Variants in NRXN1 observed in about 807,000 individuals in gnomAD.
The protein encoded by NRXN1 is neurexin 1.
In NRXN1, 39 loss-of-function variants were observed where a neutral mutation model predicts 150.9. The observed-to-expected ratio is 0.26, with a 90% CI of 0.20 to 0.34. The LOEUF (loss-of-function observed/expected upper bound fraction) is 0.34. Ranked by LOEUF, NRXN1 falls within the 10% of genes least tolerant of loss-of-function variation. NRXN1 has a pLI of 1.00. For missense variants in NRXN1, 1,815 were observed against 1,949.9 expected (o/e 0.93, Z 1.30); for synonymous variants, 924 against 757.0 (o/e 1.22, Z -3.62).
At chr2:50,067,460 C>T (rs1172775209) in intron 19 of NRXN1, among the ~76,000 whole-genome samples, 2 of 152,160 alleles carry the variant, frequency 1.3e-5, no homozygotes, top group African/African-American at 4.8e-5. Context: ...ATTTTCTTCC[C>T]TACACCTTTA....
intron 5 of NRXN1, among the ~76,000 whole-genome samples, chr2:50,712,295 C>T (rs776277682): frequency 1.3e-4 from 19 of 151,940 alleles, no homozygotes; most frequent in Non-Finnish European, 2.2e-4. Context: ...GCTGTATCTC[C>T]GTATATCAAA....
In NRXN1 at chr2:50,347,019, C is replaced by T; in HGVS notation, c.3365-110049G>A. 1 of 1,390,338 alleles carries T rather than the reference C, an allele frequency of 7.2e-7. No individual in the cohort carries two copies. Among genetic ancestry groups the T allele is most frequent in the East Asian group, 3.7e-5 (1 of 27,246 alleles). The allele number at this position is 1,390,338 out of a possible 1,614,324, so 86.1% of individuals were successfully genotyped here. On this transcript the variant is annotated intron_variant, in intron 17 of 22. Transcript: ENST00000401669. The surrounding 1 kb of genome is among the most constrained non-coding windows in gnomAD (Gnocchi z 4.9). ...TGGGGCGCGGGGAGAGGAGAGGGCG[C>T]AGGGGAGCGGGCGGCGCGGAGTGGG...
chr2:50,631,684 T>G (rs1056772730), intron 5 of NRXN1, among the ~76,000 whole-genome samples: 4 of 152,110 alleles, frequency 2.6e-5, no homozygotes, highest in African/African-American at 9.6e-5. Flanking sequence ...TGCAATTGAT[T>G]TGCATTTGTT....
At chr2:50,599,687 T>C (rs1351481005) in intron 8 of NRXN1, among the ~76,000 whole-genome samples, 1 of 152,166 alleles carries the variant, frequency 6.6e-6, no homozygotes, top group Non-Finnish European at 1.5e-5. Flanking sequence ...GAATAAGGAA[T>C]ACATGATCAG....
chr2:50,314,581 T>A (rs188233504), intron 17 of NRXN1, among the ~76,000 whole-genome samples: 554 of 151,408 alleles, frequency 3.7e-3, no homozygotes, highest in Non-Finnish European at 6.4e-3. Flanking sequence ...GTTTATTTTT[T>A]AAATGCCATT....
intron 19 of NRXN1, among the ~76,000 whole-genome samples, chr2:50,058,032 T>G (rs892818119): frequency 6.6e-6 from 1 of 152,220 alleles, no homozygotes; most frequent in African/African-American, 2.4e-5. Flanking sequence ...TAGATTATTT[T>G]AATGACTTTT....
intron 17 of NRXN1, among the ~76,000 whole-genome samples, chr2:50,377,068 C>A (rs2153025360): frequency 6.6e-6 from 1 of 151,202 alleles, no homozygotes; most frequent in Middle Eastern, 3.4e-3. Context: ...ACTGATTATC[C>A]AAATCTTTCT....
intron 17 of NRXN1, among the ~76,000 whole-genome samples, chr2:50,354,554 C>CATATATATATATATATATAT (rs71404946): frequency 6.0e-4 from 60 of 100,084 alleles, no homozygotes; most frequent in South Asian, 1.7e-3. Context: ...AGAGTGCATA[C>CATATATATATATATATATAT]ATATATATAT....
chr2:50,172,146 C>T (rs73932966), intron 18 of NRXN1, among the ~76,000 whole-genome samples: 3,491 of 152,128 alleles, frequency 0.023, 136 homozygotes, highest in African/African-American at 0.08. Context: ...GGCAACAGCG[C>T]CTTCTGAAAT....
chr2:50,654,849 T>C (rs1025762640), intron 5 of NRXN1, among the ~76,000 whole-genome samples: 3 of 152,092 alleles, frequency 2.0e-5, no homozygotes, highest in East Asian at 3.9e-4. Flanking sequence ...TGTCTGTTCA[T>C]ATCCTTCAAT....
chr2:50,630,490 T>C (rs540648419), intron 5 of NRXN1, among the ~76,000 whole-genome samples: 2 of 151,872 alleles, frequency 1.3e-5, no homozygotes, highest in East Asian at 3.9e-4. Context: ...CTAACTTCAC[T>C]GAACTTCTTC....
intron 17 of NRXN1, among the ~76,000 whole-genome samples, chr2:50,278,703 A>G (rs2070999416): frequency 6.6e-6 from 1 of 152,152 alleles, no homozygotes; most frequent in African/African-American, 2.4e-5. Context: ...TTACTGAGAA[A>G]AGAACCCCTT....
chr2:50,227,497 C>T (rs542279473), intron 18 of NRXN1, among the ~76,000 whole-genome samples: 1 of 151,948 alleles, frequency 6.6e-6, no homozygotes, highest in Admixed American at 6.6e-5. Flanking sequence ...GCTTTTTTTC[C>T]ACTGATGAGC....
At chr2:50,576,869 C>A (rs920943134) in intron 8 of NRXN1, among the ~76,000 whole-genome samples, 1 of 152,074 alleles carries the variant, frequency 6.6e-6, no homozygotes, top group Non-Finnish European at 1.5e-5. Context: ...TCTCTTCCCC[C>A]AACCTCCTCT....
chr2:50,614,081 G>A (rs557593115), intron 8 of NRXN1, among the ~76,000 whole-genome samples: 17 of 152,128 alleles, frequency 1.1e-4, no homozygotes, highest in Non-Finnish European at 2.4e-4. Context: ...TGAGGGATGA[G>A]GCATATGGGA....
At chr2:50,402,145 A>G (rs2082429665) in intron 17 of NRXN1, among the ~76,000 whole-genome samples, 2 of 152,088 alleles carry the variant, frequency 1.3e-5, no homozygotes, top group South Asian at 4.1e-4. Context: ...AATAAAATTA[A>G]TCTGTAGCAG....
intron 17 of NRXN1, among the ~76,000 whole-genome samples, chr2:50,402,070 A>G (rs1253367863): frequency 1.3e-5 from 2 of 152,064 alleles, no homozygotes; most frequent in Non-Finnish European, 2.9e-5. Context: ...GAATCTGTGG[A>G]AAATAAGACC....
intron 5 of NRXN1, among the ~76,000 whole-genome samples, chr2:50,852,233 A>G (rs980553690): frequency 6.6e-6 from 1 of 152,176 alleles, no homozygotes; most frequent in Non-Finnish European, 1.5e-5. Flanking sequence ...TGACAGTTGA[A>G]ATGCTTTTTA....
chr2:50,758,357 A>G (rs942170479), intron 5 of NRXN1, among the ~76,000 whole-genome samples: 6 of 151,908 alleles, frequency 3.9e-5, no homozygotes, highest in Admixed American at 2.0e-4. Flanking sequence ...GCCCAAATGC[A>G]GATGCTAACA....
Sources: allele counts gnomAD v4.1 joint callset (sites outside exome capture counted in the v4.1 genomes callset), GRCh38; gene constraint gnomAD v4.1.1; non-coding constraint Gnocchi (gnomAD v3.1); transcripts MANE v1.5; gene names NCBI Gene and HGNC (gene_info 2026-07-23, HGNC 2026-07-21).